Variants in DNAJA3 observed in about 807,000 individuals in gnomAD.
DNAJA3 encodes the protein dnaJ homolog subfamily A member 3, mitochondrial.
In DNAJA3, 29 loss-of-function variants were observed where a neutral mutation model predicts 54.9. The ratio of observed to expected loss-of-function variants is 0.53; its 90% CI spans 0.39 to 0.72. The LOEUF is 0.72. Ranked by LOEUF, DNAJA3 falls within the 30% of genes least tolerant of loss-of-function variation. The probability of loss-of-function intolerance (pLI) is 0.00; values close to 1 mark genes in which losing one functional copy is unlikely to be tolerated. For synonymous variants in DNAJA3, 302 were observed against 251.4 expected (o/e 1.20, Z -1.90); for missense variants, 708 against 639.4 (o/e 1.11, Z -1.16).
chr16:4,437,285 A>T, intron 2 of DNAJA3, 117 bp from the exon 3 acceptor site: 1 of 892,106 alleles, frequency 1.1e-6, no homozygotes, highest in Non-Finnish European at 1.8e-6. Flanking sequence ...GACAACTTTT[A>T]TAAAGGGAAC....
At chr16:4,445,142 C>G (rs916583056) in intron 7 of DNAJA3, among the ~76,000 whole-genome samples, 5 of 152,144 alleles carry the variant, frequency 3.3e-5, no homozygotes, top group Admixed American at 6.5e-5. Context: ...ATGTGTACAC[C>G]TGAGAAAAAC....
chr16:4,442,533 C>A, intron 5 of DNAJA3, 113 bp downstream of exon 5: 1 of 1,262,826 alleles, frequency 7.9e-7, no homozygotes, highest in Non-Finnish European at 1.1e-6. Flanking sequence ...AGTTGGTGAA[C>A]TCAGCCTGGC....
rs1455332752 is a variant in DNAJA3, at chr16:4,434,425, A to C, written c.253A>C (p.Thr85Pro). Residue 85 changes from threonine (T) to proline (P), a missense_variant, in exon 2 of 12, where the codon ACG (threonine) becomes CCG (proline). Physicochemically the swap from Thr to Pro is conservative, Grantham distance 38 (BLOSUM62 -1). Transcript: ENST00000262375. ...TTTCATTTGTACTGCCTCCTTCCAC[A>C]CGAGTGCCCCTTTGGCCAAAGAAGA... ...NPFICTASFHTSAPLAKEDYY... is the reference protein window; with the variant it reads ...NPFICTASFHPSAPLAKEDYY... The C allele has an allele frequency of 1.9e-6, 3 of 1,613,804 alleles. No homozygotes were observed. The East Asian group carries it at 6.7e-5, about 36-fold the overall frequency.
intron 9 of DNAJA3, 78 bp from the exon 10 acceptor site, chr16:4,450,322 G>T: frequency 8.1e-7 from 1 of 1,227,270 alleles, no homozygotes; most frequent in East Asian, 2.6e-5. Context: ...CATGTGCTGC[G>T]AGGGTGCTGG....
At chr16:4,441,091 T>TATCATTAAA in intron 3 of DNAJA3, 1 of 489,432 alleles carries the variant, frequency 2.0e-6, no homozygotes, top group Non-Finnish European at 3.6e-6. Flanking sequence ...AGGGTGCCTG[T>TATCATTAAA]GAGGTCAAGC....
rs1475626207 is a variant in DNAJA3, at chr16:4,446,984, C to A, written c.1095C>A (p.Ala365=). 1 of 1,614,032 alleles carries A rather than the reference C, an allele frequency of 6.2e-7. No homozygotes were observed. The highest frequency in any genetic ancestry group is 2.2e-5 in the East Asian group (1 of 44,902). Residue 365 remains alanine (A), a synonymous_variant, in exon 8 of 12, where the codon GCC becomes GCA. Transcript: ENST00000262375. ...AQALLGGTAR[A]QGLYETINVT... is the part of the protein sequence containing the mutation. ...CTCTTCTTGGGGGTACAGCCAGAGC[C>A]CAGGGCCTGTACGAGACGATCAACG...
intron 5 of DNAJA3, 130 bp downstream of exon 5, chr16:4,442,550 T>TC: frequency 8.7e-7 from 1 of 1,154,588 alleles, no homozygotes; most frequent in Non-Finnish European, 1.2e-6. Context: ...TGGCTGTCTT[T>TC]CCCCCGTGAC....
intron 9 of DNAJA3, among the ~76,000 whole-genome samples, chr16:4,449,291 C>T (rs998405731): frequency 2.0e-5 from 3 of 152,118 alleles, no homozygotes; most frequent in East Asian, 1.9e-4. Context: ...CCACCATGCC[C>T]GGCCAGAATG....
intron 8 of DNAJA3, 23 bp from the exon 9 acceptor site, chr16:4,448,710 C>G: frequency 6.3e-7 from 1 of 1,576,822 alleles, no homozygotes; most frequent in Non-Finnish European, 8.7e-7. Flanking sequence ...CCAGGGGAAA[C>G]CACAGATTTT....
intron 10 of DNAJA3, among the ~76,000 whole-genome samples, chr16:4,453,265 A>AAAG (rs1306006765): frequency 6.6e-6 from 1 of 151,556 alleles, no homozygotes; most frequent in Admixed American, 6.6e-5. Flanking sequence ...GCTGCTGAAA[A>AAAG]CCTTAAGAGC....
rs950856783 is a variant in DNAJA3 at position 4,426,335 on chromosome 16, C to T, written c.211+243C>T. On this transcript the variant is annotated intron_variant, in intron 1 of 11. Coordinates refer to ENST00000262375, the MANE Select transcript of DNAJA3 (RefSeq NM_005147.6). ...ATGAAACGCCCCGTAGATCGTGAAC[C>T]TTCACCTCTCTGTCAACATTTCTGG... Among the ~76,000 whole-genome samples, 63 of 152,212 alleles carry T rather than the reference C, an allele frequency of 4.1e-4. 2 individuals are homozygous for T. Among genetic ancestry groups the T allele is most frequent in the Non-Finnish European group, 1.5e-5 (1 of 68,028 alleles).
chr16:4,434,384 G>A lies in DNAJA3; in HGVS notation c.212G>A (p.Gly71Glu). The A allele has an allele frequency of 2.5e-6, 4 of 1,610,458 alleles. No individual in the cohort carries two copies. The highest frequency in any genetic ancestry group is 1.7e-6 in the Non-Finnish European group (2 of 1,179,328). The change falls in exon 2 of 12, where the codon GGA (glycine) becomes GAA (glutamate). Residue 71 changes from glycine to glutamate, a missense_variant and splice_region_variant. Physicochemically the swap from Gly to Glu is moderately conservative, Grantham distance 98. Transcript: ENST00000262375. The part of the protein sequence containing the change: ...LTLRPGVSLT[G>E]TKHNPFICTA... ...ATTTTCTTTGTTTTTTCCTTTTTAG[G>A]AACAAAACATAACCCTTTCATTTGT...
At chr16:4,451,366 T>G (rs1325293007) in intron 10 of DNAJA3, among the ~76,000 whole-genome samples, 2 of 151,996 alleles carry the variant, frequency 1.3e-5, no homozygotes, top group African/African-American at 2.4e-5. Context: ...AAGTGGAGGA[T>G]TTGGAGCTCC....
chr16:4,446,124 G>A (rs1168106352), intron 7 of DNAJA3, among the ~76,000 whole-genome samples: 2 of 150,698 alleles, frequency 1.3e-5, no homozygotes, highest in African/African-American at 4.9e-5. Flanking sequence ...GTTTCACCAT[G>A]TTGGCAGGCT....
At chr16:4,452,561 C>T (rs1203787512) in intron 10 of DNAJA3, among the ~76,000 whole-genome samples, 3 of 152,198 alleles carry the variant, frequency 2.0e-5, no homozygotes, top group Non-Finnish European at 4.4e-5. Context: ...TGTTCCCTCA[C>T]TCAGCCAGGA....
chr16:4,448,642 G>A (rs1017843826), intron 8 of DNAJA3, 91 bp from the exon 9 acceptor site: 9 of 884,496 alleles, frequency 1.0e-5, no homozygotes, highest in African/African-American at 6.7e-5. Context: ...TCTTTTCAAG[G>A]AATTCCTATC....
At position 4,426,049 on chromosome 16, in the gene DNAJA3, C is replaced by T. The variant is rs1160582994; in HGVS notation, c.168C>T (p.Gly56=). Residue 56 remains glycine (G), a synonymous_variant, in exon 1 of 12, where the codon GGC becomes GGT. Coordinates refer to ENST00000262375, the MANE Select transcript of DNAJA3 (RefSeq NM_005147.6). ...TTGCGTCTTCCCTGACCTCTTGCGG[C>T]CCCCGAGCGCTGCTGACATTGAGAC... ...PAFASSLTSC[G]PRALLTLRPG... is the part of the protein sequence containing the mutation. 7 of 1,603,090 alleles carry T rather than the reference C, an allele frequency of 4.4e-6. No individual in the cohort carries two copies. The highest frequency in any genetic ancestry group is 6.0e-6 in the Non-Finnish European group (7 of 1,175,464).
chr16:4,448,971 G>C, intron 9 of DNAJA3, 123 bp downstream of exon 9: 1 of 678,532 alleles, frequency 1.5e-6, no homozygotes. Context: ...CGAGTTATCT[G>C]TCTGTAAAGT....
intron 3 of DNAJA3, among the ~76,000 whole-genome samples, chr16:4,439,816 C>T (rs1039561840): frequency 2.0e-5 from 3 of 152,120 alleles, no homozygotes; most frequent in African/African-American, 7.2e-5. Context: ...ACTGGGTGCC[C>T]TAAAAGTTAC....
Sources: allele counts gnomAD v4.1 joint callset (sites outside exome capture counted in the v4.1 genomes callset), GRCh38; gene constraint gnomAD v4.1.1; transcripts MANE v1.5; gene names NCBI Gene and HGNC (gene_info 2026-07-23, HGNC 2026-07-21).